KCNIP4: variants seen among roughly 807,000 people sequenced by gnomAD.
KCNIP4 encodes the protein Kv channel-interacting protein 4.
KCNIP4 carries 12 observed loss-of-function variants against 34.0 expected under a neutral mutation model. The observed-to-expected ratio is 0.35, with a 90% CI of 0.23 to 0.57. The LOEUF is 0.57. Among genes scored for constraint, KCNIP4 ranks in the 20% least tolerant of loss-of-function variants. The pLI, the probability that KCNIP4 is intolerant of heterozygous loss-of-function variation, is 0.83. For synonymous variants in KCNIP4, 124 were observed against 102.2 expected, an observed-to-expected ratio of 1.21 and a Z score of -1.29; for missense variants, 238 against 311.7, an observed-to-expected ratio of 0.76 and a Z score of 1.78.
chr4:20,759,130 A>G (rs1282613552), intron 3 of KCNIP4, among the ~76,000 whole-genome samples: 1 of 152,228 alleles, frequency 6.6e-6, no homozygotes, highest in Non-Finnish European at 1.5e-5. Context: ...GGTGTAATGT[A>G]TTCAGAAACA....
intron 1 of KCNIP4, among the ~76,000 whole-genome samples, chr4:21,222,397 G>A (rs1422971577): frequency 2.0e-5 from 3 of 152,070 alleles, no homozygotes; most frequent in African/African-American, 4.8e-5. Flanking sequence ...CATTGTCATA[G>A]CTGATTGAGA....
chr4:21,860,549 C>T (rs555559828), intron 1 of KCNIP4, among the ~76,000 whole-genome samples: 3 of 151,966 alleles, frequency 2.0e-5, no homozygotes, highest in Non-Finnish European at 4.4e-5. Context: ...TTTTATCTCA[C>T]CTAAATATGC....
rs1054281711 is a variant in KCNIP4 at position 21,868,058 on chromosome 4, T to C, written c.61+80513A>G. Among the ~76,000 whole-genome samples, 4 of 152,184 alleles carry C rather than the reference T, an allele frequency of 2.6e-5. No homozygotes were observed. In the South Asian group the frequency reaches 8.3e-4, roughly 32 times the overall value. ...ATATTTGCCGACCTAGAAGTCTTGC[T>C]TGAATTGCTCCTAGTATAACCAGAG... On this transcript the variant is annotated intron_variant, in intron 1 of 8. Coordinates refer to ENST00000382152, the MANE Select transcript of KCNIP4 (RefSeq NM_025221.6).
rs144329383 is a variant in KCNIP4 at position 21,891,514 on chromosome 4, A to G, written c.61+57057T>C. On this transcript the variant is annotated intron_variant, in intron 1 of 8. Transcript: ENST00000382152. The stretch of plus-strand genomic sequence containing the variant: ...ATGAATCTGAAGTACATATGGGCAC[A>G]CCCTCTCTGAGCAGGGTGACAGATT... Among the ~76,000 whole-genome samples the G allele has an allele frequency of 2.6e-3, 391 of 152,174 alleles. 1 individual carries two copies. The highest frequency in any genetic ancestry group is 3.9e-3 in the Non-Finnish European group (266 of 67,998).
chr4:21,206,998 T>C (rs1756896876), intron 1 of KCNIP4, among the ~76,000 whole-genome samples: 1 of 152,210 alleles, frequency 6.6e-6, no homozygotes, highest in African/African-American at 2.4e-5. Flanking sequence ...TTTTGGCAGA[T>C]GATCACTGTC....
At chr4:20,881,247 A>C (rs1410072515) in intron 2 of KCNIP4, among the ~76,000 whole-genome samples, 1 of 152,134 alleles carries the variant, frequency 6.6e-6, no homozygotes, top group Non-Finnish European at 1.5e-5. Flanking sequence ...CTTTTCACTG[A>C]ATGTATTATG....
chr4:21,716,640 T>C (rs1361661159), intron 1 of KCNIP4, among the ~76,000 whole-genome samples: 1 of 152,174 alleles, frequency 6.6e-6, no homozygotes, highest in Admixed American at 6.5e-5. Context: ...AATTATAAGA[T>C]GGTCTGATGG....
At chr4:21,907,626 T>C (rs980274490) in intron 1 of KCNIP4, among the ~76,000 whole-genome samples, 2 of 152,180 alleles carry the variant, frequency 1.3e-5, no homozygotes, top group Non-Finnish European at 2.9e-5. Context: ...ATGATGTCAA[T>C]TGCCTTTGAA....
chr4:20,765,525 A>G (rs1755321136), intron 3 of KCNIP4, among the ~76,000 whole-genome samples: 2 of 152,190 alleles, frequency 1.3e-5, no homozygotes, highest in Non-Finnish European at 2.9e-5. Flanking sequence ...TTAGTGTAAC[A>G]AGAACCTCCC....
chr4:20,820,829 T>C (rs1047449134), intron 3 of KCNIP4, among the ~76,000 whole-genome samples: 2 of 152,166 alleles, frequency 1.3e-5, no homozygotes, highest in African/African-American at 4.8e-5. Flanking sequence ...GCAGTGCTCT[T>C]TGGCTGCTCC....
chr4:21,746,590 A>C (rs1254250896), intron 1 of KCNIP4, among the ~76,000 whole-genome samples: 1 of 65,386 alleles, frequency 1.5e-5, no homozygotes. Context: ...ATCAAGAAAA[A>C]ATAAAAAAAA....
intron 1 of KCNIP4, among the ~76,000 whole-genome samples, chr4:21,610,586 T>C (rs1368866904): frequency 6.6e-6 from 1 of 152,100 alleles, no homozygotes; most frequent in Non-Finnish European, 1.5e-5. Context: ...AAATTCACAT[T>C]AGGGATTTTA....
At position 20,926,731 on chromosome 4, in the gene KCNIP4, A is replaced by G. The variant is rs560114235; in HGVS notation, c.62-44022T>C. Among the ~76,000 whole-genome samples, 198 of 152,296 alleles carry G rather than the reference A, an allele frequency of 1.3e-3. 1 individual carries two copies. Among genetic ancestry groups the G allele is most frequent in the African/African-American group, 3.2e-3 (134 of 41,558 alleles). On this transcript the variant is annotated intron_variant, in intron 1 of 8. Transcript: ENST00000382152. ...GAGCTTTTTACAGCTGAGTTTCCAC[A>G]TGAGTCACTCCAACATACTGAACTG...
At chr4:21,771,967 G>A (rs954495055) in intron 1 of KCNIP4, among the ~76,000 whole-genome samples, 3 of 152,122 alleles carry the variant, frequency 2.0e-5, no homozygotes, top group Non-Finnish European at 4.4e-5. Context: ...ATGTTGAATA[G>A]GGGTGGTGAC....
intron 1 of KCNIP4, among the ~76,000 whole-genome samples, chr4:21,502,770 C>T (rs558767243): frequency 5.3e-5 from 8 of 152,280 alleles, no homozygotes; most frequent in African/African-American, 1.7e-4. Context: ...CCAAAAGTTA[C>T]AGGTCCTATT....
intron 3 of KCNIP4, among the ~76,000 whole-genome samples, chr4:20,847,724 ATTG>A (rs2149479482): frequency 6.6e-6 from 1 of 152,260 alleles, no homozygotes; most frequent in Non-Finnish European, 1.5e-5. Context: ...ATGGGAAAAA[ATTG>A]GTGGAGTTAT....
intron 1 of KCNIP4, chr4:20,983,906 T>A (rs1487130071): frequency 6.5e-7 from 1 of 1,536,148 alleles, no homozygotes; most frequent in Admixed American, 2.0e-5. Context: ...TCCTTCGGAC[T>A]CCCACTCCAG....
rs541698534 is a variant in KCNIP4, at chr4:20,979,548, G to T, written c.62-96839C>A. 6.6e-5 allele frequency among the ~76,000 whole-genome samples: 10 copies of T among 152,024 alleles called. 1 individual carries two copies. The highest frequency in any genetic ancestry group is 5.2e-4 in the Admixed American group (8 of 15,274). On this transcript the variant is annotated intron_variant, in intron 1 of 8. Coordinates refer to ENST00000382152, the MANE Select transcript of KCNIP4 (RefSeq NM_025221.6). ...CGAGTAGCTGGGACTACCGGCGCCC[G>T]CCACCTCGCCCAGCTATTTTTTTGT... is the stretch of plus-strand genomic sequence containing the variant.
chr4:21,528,111 A>G (rs1736128131), intron 1 of KCNIP4, among the ~76,000 whole-genome samples: 1 of 152,176 alleles, frequency 6.6e-6, no homozygotes, highest in Non-Finnish European at 1.5e-5. Flanking sequence ...ACTTAATTGA[A>G]TGTCACTCTC....
Sources: allele counts gnomAD v4.1 joint callset (sites outside exome capture counted in the v4.1 genomes callset), GRCh38; gene constraint gnomAD v4.1.1; transcripts MANE v1.5; gene names NCBI Gene and HGNC (gene_info 2026-07-23, HGNC 2026-07-21).